The following ABCA2 variants were observed in gnomAD, a reference collection of about 807,000 sequenced individuals.
ABCA2 encodes the protein ATP binding cassette subfamily A member 2.
A neutral mutation model predicts 262.8 loss-of-function variants in ABCA2; 84 were observed. The ratio of observed to expected loss-of-function variants is 0.32; its 90% CI spans 0.27 to 0.38. ABCA2 has a LOEUF of 0.38. ABCA2 is among the 10% of genes least tolerant of loss of function. The pLI is 1.00. For missense variants in ABCA2, 2,662 were observed against 3,405.9 expected (o/e 0.78, Z 5.44); for synonymous variants, 1,696 against 1,502.9 (o/e 1.13, Z -2.97).
Position 137,028,200 on chromosome 9 carries a change from G to A in ABCA2, c.-60C>T, listed in dbSNP as rs1486743948. On this transcript the variant is annotated 5_prime_UTR_variant, in exon 1 of 49. Transcript: ENST00000341511. This position sits in a 1 kb window ranked among gnomAD's most constrained non-coding sequence, Gnocchi z 6.9. ...CCCGCTCCTCTGCGCGCCCCGCCGG[G>A]CCCCGCAGCCCGCCGCGCCGCTGGG... is the stretch of plus-strand genomic sequence containing the variant. 1 of 977,572 alleles carries A rather than the reference G, an allele frequency of 1.0e-6. No homozygotes were observed. The highest frequency in any genetic ancestry group is 1.2e-6 in the Non-Finnish European group (1 of 825,590). 60.6% of individuals were successfully genotyped at this position (977,572 alleles called of 1,614,324 possible).
chr9:137,020,052 G>T, intron 10 of ABCA2: 1 of 462,048 alleles, frequency 2.2e-6, no homozygotes, highest in South Asian at 2.4e-5. Context: ...GAAGGTCTCT[G>T]GACACACCCC....
chr9:137,024,643 C>T (rs181793119), intron 1 of ABCA2, among the ~76,000 whole-genome samples: 94 of 152,324 alleles, frequency 6.2e-4, no homozygotes, highest in Admixed American at 8.5e-4. Context: ...CACACTGCCC[C>T]GGGTTCACCT....
Position 137,008,391 on chromosome 9 carries a change from A to C in ABCA2, c.7275+25T>G, listed in dbSNP as rs1264283204. On this transcript the variant is annotated intron_variant, in intron 48 of 48. Transcript: ENST00000341511. ...CTGGGTCCAGTGGGCAGAGCCCTGG[A>C]CAGCCATGAGAGCAGCCTGCTCACC... is the stretch of plus-strand genomic sequence containing the variant. 4.5e-6 allele frequency: 7 copies of C among 1,548,610 alleles called. No individual in the cohort carries two copies. In the Admixed American group the frequency reaches 1.4e-4, roughly 30 times the overall value.
In ABCA2 at chr9:137,017,817, G is replaced by A. The variant is rs1345225370; in HGVS notation, c.2181C>T (p.Ile727=). Residue 727 remains isoleucine, a synonymous_variant, in exon 16 of 49, where the codon ATC becomes ATT. Transcript: ENST00000341511. ...VYSVAMTIQH[I]VAEKEHRLKE... ...TGAGCCGGTGCTCCTTCTCCGCCAC[G>A]ATGTGCTGGATGGTCATGGCCACGG... 6 of 1,612,414 alleles carry A rather than the reference G, an allele frequency of 3.7e-6. No individual in the cohort carries two copies. The highest frequency in any genetic ancestry group is 1.7e-5 in the Admixed American group (1 of 59,996).
intron 5 of ABCA2, 104 bp from the exon 6 acceptor site, chr9:137,022,582 C>T (rs1831509427): frequency 6.4e-7 from 1 of 1,555,214 alleles, no homozygotes; most frequent in Admixed American, 1.9e-5. Context: ...CCACTGCAGC[C>T]TGTGCGTGGC....
rs773040917 is a variant in ABCA2 at position 137,015,560 on chromosome 9, T to C, written c.3551A>G (p.Glu1184Gly). Reference sequence around the variant, plus strand: ...AATGCGGTCCCCAAGCAGGTCAGCCTCATCCATGTGGTGGGTGGACAGAAG... The same window carrying C: ...AATGCGGTCCCCAAGCAGGTCAGCCCCATCCATGTGGTGGGTGGACAGAAG... The part of the protein sequence containing the change: ...TILLSTHHMD[E>G]ADLLGDRIAI... Residue 1184 changes from glutamate (E) to glycine (G), a missense_variant, in exon 24 of 49, where the codon GAG becomes GGG. Glu to Gly is a moderately conservative substitution (Grantham distance 98). This residue lies in a region of ABCA2 where 180 missense variants were observed against 307.3 expected (regional missense o/e 0.59). Coordinates refer to ENST00000341511, the MANE Select transcript of ABCA2 (RefSeq NM_001606.5). 1 of 1,612,516 alleles carries C rather than the reference T, an allele frequency of 6.2e-7. No individual in the cohort carries two copies. Among genetic ancestry groups the C allele is most frequent in the South Asian group, 1.1e-5 (1 of 91,074 alleles).
In ABCA2 at chr9:137,011,137, G is replaced by T; in HGVS notation, c.5924-32C>A. The T allele has an allele frequency of 6.2e-7, 1 of 1,611,940 alleles. No homozygotes were observed. Among genetic ancestry groups the T allele is most frequent in the Non-Finnish European group, 8.5e-7 (1 of 1,179,636 alleles). ...GGAGACAGCTCAGGGCCTGTGCTCT[G>T]GGCCTTGCGGGGCCCCCACCGCCTT... On this transcript the variant is annotated intron_variant, in intron 38 of 48. Transcript: ENST00000341511. This position sits in a 1 kb window ranked among gnomAD's most constrained non-coding sequence, Gnocchi z 8.8.
In ABCA2 at chr9:137,024,225, G is replaced by C. The variant is rs1200030906; in HGVS notation, c.78C>G (p.Ala26=). ...TLKRRSPWVL[A]FEIFIPLVLF... is the part of the protein sequence containing the mutation. ...GCACCAGGGGGATGAAGATCTCGAA[G>C]GCCAGGACCCACTGGAAAGGGTGGG... The change falls in exon 2 of 49, where the codon GCC becomes GCG. Residue 26 remains alanine, a synonymous_variant. Transcript: ENST00000341511. The C allele has an allele frequency of 6.2e-7, 1 of 1,610,808 alleles. No individual in the cohort carries two copies. Among genetic ancestry groups the C allele is most frequent in the Non-Finnish European group, 8.5e-7 (1 of 1,178,832 alleles).
intron 3 of ABCA2, 61 bp from the exon 4 acceptor site, chr9:137,023,113 T>C: frequency 2.5e-6 from 3 of 1,218,400 alleles, no homozygotes; most frequent in Non-Finnish European, 3.5e-6. Context: ...GAGAGAGGAA[T>C]CCAGAAGGGG....
intron 27 of ABCA2, 58 bp from the exon 28 acceptor site, chr9:137,014,096 T>C (rs1176816876): frequency 1.3e-6 from 2 of 1,591,766 alleles, no homozygotes; most frequent in Non-Finnish European, 1.7e-6. Context: ...CCCTACTGGC[T>C]GCCCTCATGC....
In ABCA2 at chr9:137,016,359, G is replaced by C; in HGVS notation, c.3036C>G (p.Ser1012Arg). 1 of 1,612,922 alleles carries C rather than the reference G, an allele frequency of 6.2e-7. No homozygotes were observed. The highest frequency in any genetic ancestry group is 8.5e-7 in the Non-Finnish European group (1 of 1,179,994). Residue 1012 changes from serine (S) to arginine (R), a missense_variant, in exon 21 of 49, where the codon AGC (serine) becomes AGG (arginine). Ser to Arg is a moderately radical substitution (Grantham distance 110). This residue lies in a region of ABCA2 where 133 missense variants were observed against 150.8 expected (regional missense o/e 0.88). Coordinates refer to ENST00000341511, the MANE Select transcript of ABCA2 (RefSeq NM_001606.5). The part of the protein sequence containing the change: ...DDKKLALNKL[S>R]LNLYENQVVS... The stretch of plus-strand genomic sequence containing the variant: ...CCACCTGGTTCTCGTAGAGGTTCAG[G>C]CTCAGCTTGTTCAGGGCCAGCTTCT...
At position 137,010,390 on chromosome 9, in the gene ABCA2, A is replaced by G. The variant is rs754048859; in HGVS notation, c.6175-19T>C. 3 of 1,555,436 alleles carry G rather than the reference A, an allele frequency of 1.9e-6. No individual in the cohort carries two copies. In the Admixed American group the frequency reaches 5.8e-5, roughly 30 times the overall value. On this transcript the variant is annotated intron_variant, in intron 40 of 48. Coordinates refer to ENST00000341511, the MANE Select transcript of ABCA2 (RefSeq NM_001606.5). ...TGTAGACCTGGCCAGGAGCCTGCCC[A>G]CTCAGCGGGGCATCCTGCCCCCACC...
chr9:137,020,970 G>A lies in ABCA2; in HGVS notation c.989C>T (p.Ala330Val), dbSNP rs778697647. The A allele has an allele frequency of 1.3e-6, 2 of 1,548,554 alleles. No individual in the cohort carries two copies. The highest frequency in any genetic ancestry group is 1.7e-6 in the Non-Finnish European group (2 of 1,146,220). ...ATCCACATCCTGCAGAACCTTCTGG[G>A]CATCCAGCAGGTCCCCCAGAAGCGC... The part of the protein sequence containing the change: ...LQALLGDLLD[A>V]QKVLQDVDVL... Residue 330 changes from alanine to valine, a missense_variant, in exon 9 of 49, where the codon GCC becomes GTC. Coordinates refer to ENST00000341511, the MANE Select transcript of ABCA2 (RefSeq NM_001606.5).
At position 137,013,535 on chromosome 9, in the gene ABCA2, A is replaced by G. The variant is rs1342089880; in HGVS notation, c.4476T>C (p.Pro1492=). 1 of 1,610,054 alleles carries G rather than the reference A, an allele frequency of 6.2e-7. No individual in the cohort carries two copies. Among genetic ancestry groups the G allele is most frequent in the East Asian group, 2.2e-5 (1 of 44,834 alleles). ...GCTGGGTGTAGTTGTGGTACTGGGAAGGTGACAGGACCAGCGGGGGCAGAT... is the reference window on the plus strand; with the variant it reads ...GCTGGGTGTAGTTGTGGTACTGGGAGGGTGACAGGACCAGCGGGGGCAGAT... ...IGDLPPLVLS[P]SQYHNYTQPR... Residue 1492 remains proline, a synonymous_variant, in exon 29 of 49, where the codon CCT becomes CCC. Coordinates refer to ENST00000341511, the MANE Select transcript of ABCA2 (RefSeq NM_001606.5).
chr9:137,020,656 CT>C, intron 9 of ABCA2, 37 bp downstream of exon 9: 1 of 1,594,174 alleles, frequency 6.3e-7, no homozygotes, highest in Non-Finnish European at 8.5e-7. Flanking sequence ...CTGCCCCTGG[CT>C]GTCCTCCTCA....
rs543495064 is a variant in ABCA2 at position 137,016,353 on chromosome 9, G to C, written c.3042C>G (p.Asn1014Lys). 4.3e-6 allele frequency: 7 copies of C among 1,612,932 alleles called. No homozygotes were observed. The East Asian group carries it at 8.9e-5, about 21-fold the overall frequency. Residue 1014 changes from asparagine to lysine, a missense_variant, in exon 21 of 49, where the codon AAC (asparagine) becomes AAG (lysine). This residue lies in a region of ABCA2 where 180 missense variants were observed against 307.3 expected (regional missense o/e 0.59). Transcript: ENST00000341511. ...AGGAGACCACCTGGTTCTCGTAGAG[G>C]TTCAGGCTCAGCTTGTTCAGGGCCA... ...KKLALNKLSL[N>K]LYENQVVSFL...
rs541291575 is a variant in ABCA2 at position 137,012,858 on chromosome 9, C to A, written c.4935G>T (p.Ala1645=). The A allele has an allele frequency of 1.2e-6, 2 of 1,602,682 alleles. No homozygotes were observed. Among genetic ancestry groups the A allele is most frequent in the East Asian group, 2.2e-5 (1 of 44,602 alleles). The part of the protein sequence containing the change: ...VREPVRCTCS[A]QGTGFSCPSS... ...TGGGGCAGGAGAAGCCGGTGCCCTG[C>A]GCAGAGCAGGTGCAGCGGACGGGCT... The change falls in exon 31 of 49, where the codon GCG becomes GCT. Residue 1645 remains alanine (A), a synonymous_variant. Coordinates refer to ENST00000341511, the MANE Select transcript of ABCA2 (RefSeq NM_001606.5).
chr9:137,010,515 A>G, intron 40 of ABCA2, 105 bp downstream of exon 40: 2 of 1,336,766 alleles, frequency 1.5e-6, no homozygotes, highest in Non-Finnish European at 2.0e-6. Flanking sequence ...CCACCCCCAG[A>G]GCTCAGGGCC....
Position 137,016,723 on chromosome 9 carries a change from G to A in ABCA2, c.2774C>T (p.Pro925Leu), listed in dbSNP as rs770135376. The change falls in exon 20 of 49, where the codon CCC becomes CTC. Residue 925 changes from proline (P) to leucine (L), a missense_variant. Pro to Leu is a moderately conservative substitution (Grantham distance 98). Transcript: ENST00000341511. ...EAVHPGMYGL[P>L]RPWYFPLQKS... ...CTGCAGTGGGAAGTACCAGGGCCGG[G>A]GCAGCCCGTACATGCCTGGGGGTCG... 1.3e-6 allele frequency: 2 copies of A among 1,561,090 alleles called. No homozygotes were observed. Among genetic ancestry groups the A allele is most frequent in the African/African-American group, 1.4e-5 (1 of 73,926 alleles).
Sources: allele counts gnomAD v4.1 joint callset (sites outside exome capture counted in the v4.1 genomes callset), GRCh38; gene constraint gnomAD v4.1.1; regional missense constraint gnomAD v4.1.1; non-coding constraint Gnocchi (gnomAD v3.1); transcripts MANE v1.5; gene names NCBI Gene and HGNC (gene_info 2026-07-23, HGNC 2026-07-21).